Variants in ARFGEF1 observed in about 807,000 individuals in gnomAD.
The protein encoded by ARFGEF1 is ARF guanine nucleotide exchange factor 1, also known as brefeldin A-inhibited guanine nucleotide-exchange protein 1.
In ARFGEF1, 42 loss-of-function variants were observed where a neutral mutation model predicts 231.0. That is an observed-to-expected ratio of 0.18 (90% CI 0.14 to 0.24). ARFGEF1 has a LOEUF of 0.24. ARFGEF1 is among the 10% of genes least tolerant of loss of function. ARFGEF1 has a pLI of 1.00. For missense variants in ARFGEF1, 1,345 were observed against 2,192.0 expected (o/e 0.61, Z 7.72); for synonymous variants, 710 against 732.3 (o/e 0.97, Z 0.49).
chr8:67,216,740 A>G, intron 32 of ARFGEF1, 78 bp from the exon 33 acceptor site: 1 of 1,135,770 alleles, frequency 8.8e-7, no homozygotes, highest in South Asian at 1.6e-5. Flanking sequence ...AAATGGGCCC[A>G]AGAAAGTAAC....
intron 22 of ARFGEF1, among the ~76,000 whole-genome samples, chr8:67,233,224 T>G (rs1839609590): frequency 6.6e-6 from 1 of 151,976 alleles, no homozygotes; most frequent in Non-Finnish European, 1.5e-5. Flanking sequence ...TTATAGATAT[T>G]AGATATAATT....
At chr8:67,237,129 T>C (rs1322018796) in intron 22 of ARFGEF1, among the ~76,000 whole-genome samples, 1 of 152,206 alleles carries the variant, frequency 6.6e-6, no homozygotes, top group Non-Finnish European at 1.5e-5. Flanking sequence ...GCACATTCAC[T>C]TCCCTTGCCT....
rs763165044 is a variant in ARFGEF1 at position 67,343,315 on chromosome 8, T to A, written c.-28A>T. 6.3e-7 allele frequency: 1 copy of A among 1,594,976 alleles called. No homozygotes were observed. The highest frequency in any genetic ancestry group is 1.1e-5 in the South Asian group (1 of 90,062). ...ACGCAGAGAAGGAGGCGGCGGCTCGTCCGACCCGCGGCTCCCAGCGGCTGG... is the reference window on the plus strand; with the variant it reads ...ACGCAGAGAAGGAGGCGGCGGCTCGACCGACCCGCGGCTCCCAGCGGCTGG... On this transcript the variant is annotated 5_prime_UTR_variant, in exon 1 of 39. Transcript: ENST00000262215.
At chr8:67,259,508 G>C (rs1164940190) in intron 15 of ARFGEF1, among the ~76,000 whole-genome samples, 2 of 152,074 alleles carry the variant, frequency 1.3e-5, no homozygotes, top group African/African-American at 4.8e-5. Flanking sequence ...AATTACACAT[G>C]TGAGCCACTG....
chr8:67,221,096 T>C (rs1245116987), intron 29 of ARFGEF1, among the ~76,000 whole-genome samples: 3 of 152,206 alleles, frequency 2.0e-5, no homozygotes, highest in Non-Finnish European at 2.9e-5. Flanking sequence ...GGCAACACTT[T>C]ACTCACATGT....
At chr8:67,237,318 T>C in intron 22 of ARFGEF1, among the ~76,000 whole-genome samples, 1 of 152,236 alleles carries the variant, frequency 6.6e-6, no homozygotes, top group Admixed American at 6.5e-5. Context: ...ATAGCATCTA[T>C]GCTATCATGG....
chr8:67,221,325 G>A (rs1839149171), intron 29 of ARFGEF1, among the ~76,000 whole-genome samples: 1 of 152,194 alleles, frequency 6.6e-6, no homozygotes, highest in South Asian at 2.1e-4. Flanking sequence ...CATAGGAGAT[G>A]ACAGCTCCAT....
At chr8:67,272,095 C>T (rs553356005) in intron 9 of ARFGEF1, among the ~76,000 whole-genome samples, 159 bp from the exon 10 acceptor site, 17 of 152,170 alleles carry the variant, frequency 1.1e-4, no homozygotes. Flanking sequence ...AAGTACAGTA[C>T]ATGAACAACT....
chr8:67,206,651 A>G (rs901450861), intron 34 of ARFGEF1, among the ~76,000 whole-genome samples: 2 of 152,170 alleles, frequency 1.3e-5, no homozygotes, highest in African/African-American at 4.8e-5. Context: ...CCAATGCAGC[A>G]GCGCAAGGTT....
At chr8:67,289,564 A>C (rs1206908033) in intron 6 of ARFGEF1, among the ~76,000 whole-genome samples, 1 of 149,326 alleles carries the variant, frequency 6.7e-6, no homozygotes, top group Non-Finnish European at 1.5e-5. Flanking sequence ...AAAAAAAAAA[A>C]AAAAAAAAAA....
At chr8:67,297,685 C>G (rs915157093) in intron 4 of ARFGEF1, among the ~76,000 whole-genome samples, 1 of 152,146 alleles carries the variant, frequency 6.6e-6, no homozygotes, top group Admixed American at 6.5e-5. Context: ...AGCAAAGACT[C>G]TTATCTTTTG....
At chr8:67,241,216 A>T (rs942278360) in intron 19 of ARFGEF1, among the ~76,000 whole-genome samples, 2 of 152,206 alleles carry the variant, frequency 1.3e-5, no homozygotes, top group African/African-American at 4.8e-5. Context: ...AAACAAAAAA[A>T]ACATAAGTCA....
At chr8:67,246,364 TCAAAA>T (rs1250890300) in intron 19 of ARFGEF1, among the ~76,000 whole-genome samples, 1 of 150,566 alleles carries the variant, frequency 6.6e-6, no homozygotes, top group Non-Finnish European at 1.5e-5. Flanking sequence ...ATGTTAGGAC[TCAAAA>T]CAAATCTGAA....
At chr8:67,177,866 G>C (rs750563836) in intron 5 of ARFGEF1, 7 of 708,018 alleles carry the variant, frequency 9.9e-6, no homozygotes, top group Non-Finnish European at 1.8e-5. Flanking sequence ...AAAGTGGATA[G>C]CTTGAGAAGT....
chr8:67,268,979 T>A (rs1268973304), intron 10 of ARFGEF1, among the ~76,000 whole-genome samples: 1 of 152,116 alleles, frequency 6.6e-6, no homozygotes, highest in African/African-American at 2.4e-5. Flanking sequence ...GAAGAAAAAA[T>A]TTTAGCTACT....
chr8:67,302,183 A>G (rs1806522296), intron 2 of ARFGEF1, among the ~76,000 whole-genome samples: 1 of 152,140 alleles, frequency 6.6e-6, no homozygotes, highest in South Asian at 2.1e-4. Flanking sequence ...TGGACAACAG[A>G]GCGAGACCCT....
intron 18 of ARFGEF1, among the ~76,000 whole-genome samples, chr8:67,251,790 T>C (rs918699005): frequency 5.9e-5 from 9 of 152,104 alleles, no homozygotes; most frequent in South Asian, 2.1e-4. Context: ...TGCCACTGAA[T>C]TGTTCATTTT....
At chr8:67,195,525 G>C (rs201972175), downstream of ARFGEF1, 8 of 1,614,196 alleles carry the variant, frequency 5.0e-6, no homozygotes, top group African/African-American at 9.3e-5. Flanking sequence ...GCTGAACCAG[G>C]AGCAGCAGCA....
downstream of ARFGEF1, chr8:67,195,572 C>G (rs772464232): frequency 6.2e-7 from 1 of 1,614,096 alleles, no homozygotes; most frequent in South Asian, 1.1e-5. Flanking sequence ...CTTGGCAGGG[C>G]CTGTCGACTG....
Sources: allele counts gnomAD v4.1 joint callset (sites outside exome capture counted in the v4.1 genomes callset), GRCh38; gene constraint gnomAD v4.1.1; transcripts MANE v1.5; gene names NCBI Gene and HGNC (gene_info 2026-07-23, HGNC 2026-07-21).